Variants in GTF2F2 observed in about 807,000 individuals in gnomAD.
The protein encoded by GTF2F2 is general transcription factor IIF subunit 2.
GTF2F2 carries 23 observed loss-of-function variants against 42.2 expected under a neutral mutation model. The observed-to-expected ratio is 0.55, with a 90% confidence interval of 0.39 to 0.77. The LOEUF is 0.77. Among genes scored for constraint, GTF2F2 ranks in the 30% least tolerant of loss-of-function variants. The pLI is 0.00. For missense variants in GTF2F2, 261 were observed against 287.2 expected, an observed-to-expected ratio of 0.91 and a Z score of 0.66; for synonymous variants, 105 against 100.8, an observed-to-expected ratio of 1.04 and a Z score of -0.25.
intron 2 of GTF2F2, among the ~76,000 whole-genome samples, chr13:45,139,021 C>T (rs1869779092): frequency 1.3e-5 from 2 of 152,186 alleles, no homozygotes; most frequent in South Asian, 4.1e-4. Context: ...TTAGCAGATT[C>T]ACAGGAAGCA....
intron 4 of GTF2F2, among the ~76,000 whole-genome samples, chr13:45,201,571 G>A (rs74068762): frequency 0.015 from 2,331 of 152,220 alleles, 17 homozygotes; most frequent in African/African-American, 0.032. Context: ...TTAACTAGAA[G>A]CCTTCAGTTC....
At chr13:45,211,191 G>A (rs956277891) in intron 5 of GTF2F2, among the ~76,000 whole-genome samples, 5 of 152,042 alleles carry the variant, frequency 3.3e-5, no homozygotes, top group Non-Finnish European at 7.4e-5. Context: ...TGTAGTCCCC[G>A]TGTCCATTAT....
At chr13:45,174,634 C>CTTT (rs397950608) in intron 4 of GTF2F2, among the ~76,000 whole-genome samples, 133 of 81,224 alleles carry the variant, frequency 1.6e-3, no homozygotes, top group Non-Finnish European at 2.1e-3. Context: ...TTTCTTTTTT[C>CTTT]TTTTTTTTTT....
At chr13:45,278,746 T>C (rs766800535) in intron 7 of GTF2F2, among the ~76,000 whole-genome samples, 1 of 151,792 alleles carries the variant, frequency 6.6e-6, no homozygotes, top group Non-Finnish European at 1.5e-5. Flanking sequence ...TTCTCAGTGG[T>C]CTCATAATAC....
At chr13:45,164,938 CTATT>C (rs1469826105) in intron 4 of GTF2F2, among the ~76,000 whole-genome samples, 4 of 152,270 alleles carry the variant, frequency 2.6e-5, no homozygotes, top group Non-Finnish European at 5.9e-5. Context: ...ATTCTCATAA[CTATT>C]TGTTTGGAAG....
rs149381566 is a variant in GTF2F2 at position 45,284,139 on chromosome 13, G to A, written c.*578G>A. On this transcript the variant is annotated 3_prime_UTR_variant, in exon 8 of 8. Coordinates refer to ENST00000340473, the MANE Select transcript of GTF2F2 (RefSeq NM_004128.3). ...TTCATCATTGGCTTATTTTACCGTA[G>A]TGATGCTGAGATGAGAAATGTGCAG... 6.6e-6 allele frequency: 1 copy of A among 152,328 alleles called. No individual in the cohort carries two copies. Among genetic ancestry groups the A allele is most frequent in the African/African-American group, 2.4e-5 (1 of 41,574 alleles). The allele number at this position is 152,328 out of a possible 1,614,324, so 9.4% of individuals were successfully genotyped here. A position where few individuals can be genotyped will look rare whatever the true frequency, so the allele number is the denominator to read the frequency against.
intron 4 of GTF2F2, among the ~76,000 whole-genome samples, chr13:45,180,853 A>G (rs975098396): frequency 6.6e-6 from 1 of 152,060 alleles, no homozygotes; most frequent in African/African-American, 2.4e-5. Context: ...GGTCTTTGTC[A>G]TATGTAGTCA....
chr13:45,133,878 C>T (rs573203212), intron 1 of GTF2F2, among the ~76,000 whole-genome samples: 42 of 152,262 alleles, frequency 2.8e-4, no homozygotes, highest in African/African-American at 7.2e-4. Flanking sequence ...ATGTTAAGTC[C>T]GCTGGGTCTG....
At chr13:45,274,251 T>G (rs1025033463) in intron 7 of GTF2F2, among the ~76,000 whole-genome samples, 1 of 152,130 alleles carries the variant, frequency 6.6e-6, no homozygotes, top group Admixed American at 6.5e-5. Flanking sequence ...TCATCTTAAT[T>G]TGTTTTATAA....
chr13:45,256,017 T>C (rs1876089820), intron 6 of GTF2F2, among the ~76,000 whole-genome samples: 1 of 152,208 alleles, frequency 6.6e-6, no homozygotes, highest in Admixed American at 6.5e-5. Flanking sequence ...ATAATGCTTC[T>C]CTCTATTATT....
At chr13:45,125,614 G>GCCCAGC (rs1482496663) in intron 1 of GTF2F2, among the ~76,000 whole-genome samples, 1 of 152,142 alleles carries the variant, frequency 6.6e-6, no homozygotes, top group Non-Finnish European at 1.5e-5. Flanking sequence ...GAGCCACTGT[G>GCCCAGC]CCCAGCCCCC....
intron 7 of GTF2F2, among the ~76,000 whole-genome samples, chr13:45,279,727 GA>G (rs1877181775): frequency 6.6e-6 from 1 of 152,150 alleles, no homozygotes; most frequent in Non-Finnish European, 1.5e-5. Flanking sequence ...CCAACATGGA[GA>G]AACTCCGTCT....
At position 45,278,816 on chromosome 13, in the gene GTF2F2, C is replaced by CTTTTTTTTTTTTTTTTTTTTT. The variant is rs1157972776; in HGVS notation, c.631-4621_631-4601dup. Among the ~76,000 whole-genome samples, 8 of 62,300 alleles carry CTTTTTTTTTTTTTTTTTTTTT rather than the reference C, an allele frequency of 1.3e-4. 1 individual carries two copies. The highest frequency in any genetic ancestry group is 4.2e-4 in the African/African-American group (6 of 14,358). 40.9% of individuals were successfully genotyped at this position (62,300 alleles called of 152,430 possible). On this transcript the variant is annotated intron_variant, in intron 7 of 7. Transcript: ENST00000340473. ...CCTGCCAATTTGCCTTTTTCTTTTT[C>CTTTTTTTTTTTTTTTTTTTTT]TTTTTTTTTTTTTTTTTTTTTTTTT...
At chr13:45,231,093 T>C (rs902823195) in intron 5 of GTF2F2, among the ~76,000 whole-genome samples, 1 of 151,504 alleles carries the variant, frequency 6.6e-6, no homozygotes, top group Non-Finnish European at 1.5e-5. Context: ...TCTATTTATT[T>C]ATTTTTTTAT....
intron 5 of GTF2F2, among the ~76,000 whole-genome samples, chr13:45,222,898 A>G (rs1284760135): frequency 2.0e-5 from 3 of 152,208 alleles, no homozygotes; most frequent in Admixed American, 1.3e-4. Flanking sequence ...GCTCACGCCT[A>G]TAATTCCAGC....
intron 4 of GTF2F2, among the ~76,000 whole-genome samples, chr13:45,182,392 C>G (rs192934684): frequency 6.6e-6 from 1 of 152,004 alleles, no homozygotes; most frequent in African/African-American, 2.4e-5. Context: ...TCACTGCACC[C>G]GGCCACTTTC....
intron 1 of GTF2F2, among the ~76,000 whole-genome samples, chr13:45,123,647 A>AG (rs397803200): frequency 6.6e-6 from 1 of 151,116 alleles, no homozygotes; most frequent in Non-Finnish European, 1.5e-5. Context: ...AAAAAAAAAA[A>AG]CAACCAAAAC....
At chr13:45,227,046 G>A (rs984252871) in intron 5 of GTF2F2, among the ~76,000 whole-genome samples, 3 of 152,034 alleles carry the variant, frequency 2.0e-5, no homozygotes. Context: ...GCTGCAGTGA[G>A]CTGTGATCAT....
intron 5 of GTF2F2, among the ~76,000 whole-genome samples, chr13:45,250,210 A>G (rs1281230079): frequency 5.3e-5 from 8 of 152,136 alleles, no homozygotes; most frequent in Admixed American, 2.6e-4. Flanking sequence ...ATGCACTACC[A>G]TGCCCAGTTC....
Sources: gnomAD v4.1 joint callset for allele counts (sites outside exome capture counted in the v4.1 genomes callset) on GRCh38, gnomAD v4.1.1 for gene constraint, MANE v1.5 for transcripts, NCBI Gene and HGNC (gene_info 2026-07-23, HGNC 2026-07-21) for gene names.